BDP1: variants seen among roughly 807,000 people sequenced by gnomAD.
The protein encoded by BDP1 is transcription factor TFIIIB component B'' homolog.
A neutral mutation model predicts 266.6 loss-of-function variants in BDP1; 169 were observed. That is an observed-to-expected ratio of 0.63 (90% CI 0.56 to 0.72). The LOEUF (loss-of-function observed/expected upper bound fraction) is 0.72, where lower values mean the gene tolerates loss of function less well. Among genes scored for constraint, BDP1 ranks in the 30% least tolerant of loss-of-function variants. The pLI is 0.00. For synonymous variants in BDP1, 1,090 were observed against 1,022.4 expected (o/e 1.07, Z -1.26); for missense variants, 3,015 against 3,053.8 (o/e 0.99, Z 0.30).
chr5:71,515,664 AT>A (rs1445892038), intron 20 of BDP1, among the ~76,000 whole-genome samples: 3 of 152,150 alleles, frequency 2.0e-5, no homozygotes, highest in African/African-American at 7.2e-5. Context: ...CATTTTAACT[AT>A]TTTTTAATAT....
chr5:71,550,954 C>T (rs1241331842), intron 34 of BDP1, among the ~76,000 whole-genome samples: 58 of 152,096 alleles, frequency 3.8e-4, no homozygotes, highest in Non-Finnish European at 2.9e-5. Flanking sequence ...AATACACCTG[C>T]CTCGGTCTCC....
intron 11 of BDP1, chr5:71,494,730 T>C (rs1763779732): frequency 6.6e-6 from 1 of 152,250 alleles, no homozygotes; most frequent in South Asian, 2.1e-4. Flanking sequence ...CCTTTTCTTT[T>C]TTTGAAACAG....
Position 71,562,296 on chromosome 5 carries a change from T to C in BDP1, c.7519T>C (p.Phe2507Leu), listed in dbSNP as rs747061705. 3 of 1,608,414 alleles carry C rather than the reference T, an allele frequency of 1.9e-6. No homozygotes were observed. Among genetic ancestry groups the C allele is most frequent in the Non-Finnish European group, 2.5e-6 (3 of 1,178,384 alleles). The change falls in exon 38 of 39, where the codon TTT (phenylalanine) becomes CTT (leucine). Residue 2507 changes from phenylalanine to leucine, a missense_variant. Physicochemically the swap from Phe to Leu is conservative, Grantham distance 22. Coordinates refer to ENST00000358731, the MANE Select transcript of BDP1 (RefSeq NM_018429.3). ...LSRPGRRPLG[F>L]LSLICSKNSL... ...TAGACCTGGCAGAAGACCCCTGGGA[T>C]TTTTATCTTTAATATGCTCAAAGAA...
chr5:71,515,890 CTG>C (rs1561738207), intron 20 of BDP1, among the ~76,000 whole-genome samples, 169 bp from the exon 21 acceptor site: 2 of 152,126 alleles, frequency 1.3e-5, no homozygotes, highest in Non-Finnish European at 2.9e-5. Context: ...ATTGACATAA[CTG>C]TTTTCTTTTG....
intron 13 of BDP1, among the ~76,000 whole-genome samples, chr5:71,500,316 C>CTTTTTTTTTTTTTTTTTTTT (rs58201517): frequency 1.4e-5 from 1 of 73,116 alleles, no homozygotes; most frequent in Non-Finnish European, 2.4e-5. Flanking sequence ...AATCTTGTTT[C>CTTTTTTTTTTTTTTTTTTTT]TTTTTTTTTT....
chr5:71,550,244 G>A (rs1313377626), intron 34 of BDP1, among the ~76,000 whole-genome samples: 1 of 152,110 alleles, frequency 6.6e-6, no homozygotes, highest in Non-Finnish European at 1.5e-5. Context: ...AAATTAGCTG[G>A]TCATGGTGGC....
At chr5:71,539,696 C>CTAACT (rs775625264) in intron 28 of BDP1, 47 bp downstream of exon 28, 6 of 1,335,942 alleles carry the variant, frequency 4.5e-6, no homozygotes, top group Non-Finnish European at 5.2e-6. Flanking sequence ...CTTTTAAAAC[C>CTAACT]TAACTTAAGA....
At chr5:71,524,926 T>C (rs1765708677) in intron 25 of BDP1, among the ~76,000 whole-genome samples, 2 of 151,556 alleles carry the variant, frequency 1.3e-5, no homozygotes, top group South Asian at 2.1e-4. Context: ...ACACAGCACA[T>C]GTTTCAGAGA....
At chr5:71,514,619 T>G (rs1427697473) in intron 19 of BDP1, among the ~76,000 whole-genome samples, 3 of 152,224 alleles carry the variant, frequency 2.0e-5, no homozygotes, top group Non-Finnish European at 4.4e-5. Context: ...TTTAAATGAT[T>G]AGGTACTATT....
the BDP1 span, among the ~76,000 whole-genome samples, chr5:71,578,183 C>G: frequency 6.6e-6 from 1 of 152,204 alleles, no homozygotes; most frequent in Non-Finnish European, 1.5e-5. Flanking sequence ...TTCTTCCACA[C>G]CCCTTCTCAC....
intron 12 of BDP1, among the ~76,000 whole-genome samples, chr5:71,495,658 G>T (rs1405111221): frequency 6.6e-6 from 1 of 152,048 alleles, no homozygotes; most frequent in African/African-American, 2.4e-5. Flanking sequence ...ATTTTAGGAA[G>T]GTGGTAACTT....
At position 71,512,421 on chromosome 5, in the gene BDP1, A is replaced by T. The variant is rs555943527; in HGVS notation, c.4240A>T (p.Asn1414Tyr). Residue 1414 changes from asparagine (N) to tyrosine (Y), a missense_variant, in exon 18 of 39, where the codon AAT (asparagine) becomes TAT (tyrosine). Physicochemically the swap from Asn to Tyr is moderately radical, Grantham distance 143. Transcript: ENST00000358731. ...TGTTCCAGAGCAGTTTTCAGATATT[A>T]ATTTAAGGTACAAGTGTGTTTTTAA... ...PDVPEQFSDI[N>Y]LSKSLPQEQK... 4.4e-5 allele frequency: 68 copies of T among 1,533,670 alleles called. 1 individual carries two copies. In the South Asian group the frequency reaches 8.8e-4, roughly 20 times the overall value.
intron 7 of BDP1, among the ~76,000 whole-genome samples, chr5:71,478,454 C>A (rs1035434694): frequency 2.0e-5 from 3 of 152,102 alleles, no homozygotes; most frequent in African/African-American, 7.2e-5. Flanking sequence ...TCTGAGCTTT[C>A]ATTTATCTGA....
Position 71,511,122 on chromosome 5 carries a change from T to G in BDP1, c.4030T>G (p.Phe1344Val), listed in dbSNP as rs1764895788. The part of the protein sequence containing the change: ...THLMQSGSND[F>V]SAVPSLDIQN... Reference sequence around the variant, plus strand: ...TTTAATGCAGAGCGGTAGCAATGACTTCAGTGCTGTGCCTTCACTAGATAT... The same window carrying G: ...TTTAATGCAGAGCGGTAGCAATGACGTCAGTGCTGTGCCTTCACTAGATAT... The change falls in exon 17 of 39, where the codon TTC becomes GTC. Residue 1344 changes from phenylalanine to valine, a missense_variant. Phe to Val is a conservative substitution (Grantham distance 50). This residue lies in a region of BDP1 where 2,383 missense variants were observed against 2,404.9 expected (regional missense o/e 0.99). Transcript: ENST00000358731. The G allele has an allele frequency of 6.2e-7, 1 of 1,611,870 alleles. No individual in the cohort carries two copies. The highest frequency in any genetic ancestry group is 8.5e-7 in the Non-Finnish European group (1 of 1,178,732).
intron 11 of BDP1, among the ~76,000 whole-genome samples, chr5:71,492,552 A>T (rs960900083): frequency 6.6e-6 from 1 of 152,196 alleles, no homozygotes; most frequent in Non-Finnish European, 1.5e-5. Flanking sequence ...AGACATGTCT[A>T]TTCAGGTCCT....
chr5:71,513,473 C>T (rs2150482382), intron 19 of BDP1, 66 bp downstream of exon 19: 2 of 881,826 alleles, frequency 2.3e-6, no homozygotes, highest in East Asian at 2.5e-5. Context: ...ATTAGGACTA[C>T]TAAAAGCACC....
chr5:71,531,222 A>G (rs766229786), intron 25 of BDP1, among the ~76,000 whole-genome samples: 20 of 152,180 alleles, frequency 1.3e-4, no homozygotes, highest in Non-Finnish European at 7.3e-5. Context: ...GCACCACCGC[A>G]GCTGGGGTGA....
At chr5:71,496,408 A>T (rs891810269) in intron 12 of BDP1, among the ~76,000 whole-genome samples, 2 of 150,982 alleles carry the variant, frequency 1.3e-5, no homozygotes, top group African/African-American at 4.9e-5. Flanking sequence ...GCTCTCCCTC[A>T]CACACACATA....
Position 71,495,365 on chromosome 5 carries a change from A to G in BDP1, c.1756A>G (p.Ser586Gly), listed in dbSNP as rs1293321186. 9 of 1,594,466 alleles carry G rather than the reference A, an allele frequency of 5.6e-6. 1 individual carries two copies. In the South Asian group the frequency reaches 9.2e-5, roughly 16 times the overall value. The stretch of plus-strand genomic sequence containing the variant: ...GTGTGAGGTGAATAATGCTGAGGGT[A>G]GTTGTATAGAAGAAAGAAATGTTGA... ...ALCEVNNAEG[S>G]CIEERNVDLK... Residue 586 changes from serine (S) to glycine (G), a missense_variant, in exon 12 of 39, where the codon AGT becomes GGT. This residue lies in a region of BDP1 where 2,383 missense variants were observed against 2,404.9 expected (regional missense o/e 0.99). Transcript: ENST00000358731.
Sources: allele counts gnomAD v4.1 joint callset (sites outside exome capture counted in the v4.1 genomes callset), GRCh38; gene constraint gnomAD v4.1.1; regional missense constraint gnomAD v4.1.1; transcripts MANE v1.5; gene names NCBI Gene and HGNC (gene_info 2026-07-23, HGNC 2026-07-21).